Variants in TMEM132D observed in about 807,000 individuals in gnomAD.
TMEM132D encodes the protein transmembrane protein 132D, also known as mature OL transmembrane protein.
TMEM132D carries 21 observed loss-of-function variants against 62.3 expected under a neutral mutation model. The observed-to-expected ratio is 0.34, with a 90% CI of 0.24 to 0.49. The LOEUF is 0.49. Ranked by LOEUF, TMEM132D falls within the 20% of genes least tolerant of loss-of-function variation. The pLI, the probability that TMEM132D is intolerant of heterozygous loss-of-function variation, is 0.99. For synonymous variants in TMEM132D, 621 were observed against 575.6 expected (o/e 1.08, Z -1.13); for missense variants, 1,346 against 1,402.8 (o/e 0.96, Z 0.65).
intron 2 of TMEM132D, among the ~76,000 whole-genome samples, chr12:129,687,007 G>A (rs980116842): frequency 9.9e-5 from 15 of 152,244 alleles, no homozygotes; most frequent in Admixed American, 3.3e-4. Context: ...AAGGTTCCTC[G>A]GATGTTATAG....
At chr12:129,699,689 A>G in intron 2 of TMEM132D, 121 bp downstream of exon 2, 3 of 1,275,164 alleles carry the variant, frequency 2.4e-6, no homozygotes, top group South Asian at 1.5e-5. Flanking sequence ...TGGAGTTTGT[A>G]AGAACGGGAA....
chr12:129,100,666 G>A (rs547013523), intron 5 of TMEM132D, among the ~76,000 whole-genome samples: 4 of 152,276 alleles, frequency 2.6e-5, no homozygotes, highest in African/African-American at 9.6e-5. Context: ...TGAAAGTATT[G>A]CCCATGTCTT....
In TMEM132D at chr12:129,710,670, A is replaced by T. The variant is rs569594353; in HGVS notation, c.80-9972T>A. Among the ~76,000 whole-genome samples the T allele has an allele frequency of 3.3e-5, 5 of 152,310 alleles. No individual in the cohort carries two copies. The East Asian group carries it at 9.7e-4, about 29-fold the overall frequency. ...TTTATCTATTTTATTGCAAACACTT[A>T]AGGCATTTCGGAGTGTCTTTCTTAG... On this transcript the variant is annotated intron_variant, in intron 1 of 8. Transcript: ENST00000422113.
chr12:129,667,935 G>C (rs1880415033), intron 2 of TMEM132D, among the ~76,000 whole-genome samples: 3 of 147,274 alleles, frequency 2.0e-5, no homozygotes, highest in African/African-American at 7.5e-5. Context: ...AAATTTCCTT[G>C]TCCATCGTGT....
At chr12:129,735,823 T>C (rs1869404676) in intron 1 of TMEM132D, among the ~76,000 whole-genome samples, 1 of 152,192 alleles carries the variant, frequency 6.6e-6, no homozygotes, top group Admixed American at 6.5e-5. Flanking sequence ...TGACCATGAA[T>C]ATGTGACTTT....
intron 3 of TMEM132D, among the ~76,000 whole-genome samples, chr12:129,447,597 A>G (rs1270018996): frequency 6.6e-6 from 1 of 152,214 alleles, no homozygotes; most frequent in Non-Finnish European, 1.5e-5. Flanking sequence ...GGTAACCAGA[A>G]TGATGGGAAA....
intron 2 of TMEM132D, among the ~76,000 whole-genome samples, chr12:129,675,211 A>T (rs969992250): frequency 6.6e-6 from 1 of 152,212 alleles, no homozygotes; most frequent in Non-Finnish European, 1.5e-5. Flanking sequence ...AAATGAGTTC[A>T]TGTCCTTTGC....
At chr12:129,180,840 G>A (rs1346280696) in intron 5 of TMEM132D, among the ~76,000 whole-genome samples, 1 of 152,112 alleles carries the variant, frequency 6.6e-6, no homozygotes, top group East Asian at 1.9e-4. Context: ...CAAGGGGAAC[G>A]TGGTACGAGT....
chr12:129,184,895 C>A (rs2135552979), intron 5 of TMEM132D, among the ~76,000 whole-genome samples: 1 of 152,184 alleles, frequency 6.6e-6, no homozygotes. Context: ...TGTGTTTCTG[C>A]TTCAGGCTCT....
intron 2 of TMEM132D, among the ~76,000 whole-genome samples, chr12:129,608,839 G>A (rs575891499): frequency 2.0e-4 from 31 of 152,080 alleles, no homozygotes; most frequent in African/African-American, 6.8e-4. Context: ...AAGTTCACTC[G>A]CACTCAAATT....
At chr12:129,548,445 G>C (rs1876799990) in intron 2 of TMEM132D, among the ~76,000 whole-genome samples, 1 of 152,190 alleles carries the variant, frequency 6.6e-6, no homozygotes, top group Admixed American at 6.5e-5. Context: ...CTATTAAAAA[G>C]GGAAGGAATA....
At chr12:129,323,347 T>C (rs1390527992) in intron 4 of TMEM132D, among the ~76,000 whole-genome samples, 1 of 152,184 alleles carries the variant, frequency 6.6e-6, no homozygotes, top group Non-Finnish European at 1.5e-5. Flanking sequence ...GAAATTGATA[T>C]AAATCCACCT....
At chr12:129,816,861 G>A (rs926301079) in intron 1 of TMEM132D, among the ~76,000 whole-genome samples, 2 of 152,106 alleles carry the variant, frequency 1.3e-5, no homozygotes, top group South Asian at 2.1e-4. Context: ...CTAAAATACC[G>A]AGATAGTTTC....
chr12:129,508,495 CCTT>C (rs1296858285), intron 3 of TMEM132D, among the ~76,000 whole-genome samples: 1 of 152,162 alleles, frequency 6.6e-6, no homozygotes, highest in Non-Finnish European at 1.5e-5. Flanking sequence ...TCTTCCTCCT[CCTT>C]CTCGTTGCAA....
At chr12:129,727,990 T>A (rs1035607815) in intron 1 of TMEM132D, among the ~76,000 whole-genome samples, 2 of 152,214 alleles carry the variant, frequency 1.3e-5, no homozygotes, top group Non-Finnish European at 2.9e-5. Context: ...GATCACCGGC[T>A]GTATCCAGCT....
At chr12:129,539,610 C>G (rs1473453) in intron 2 of TMEM132D, among the ~76,000 whole-genome samples, 1 of 149,088 alleles carries the variant, frequency 6.7e-6, no homozygotes, top group African/African-American at 2.5e-5. Flanking sequence ...CGGGATTTCA[C>G]CATGTTGCCC....
chr12:129,563,114 AT>A (rs902775771), intron 2 of TMEM132D, among the ~76,000 whole-genome samples: 1 of 152,060 alleles, frequency 6.6e-6, no homozygotes, highest in African/African-American at 2.4e-5. Flanking sequence ...TTTGCATTTA[AT>A]TTTTTTTGAG....
At chr12:129,411,690 G>C (rs904770508) in intron 3 of TMEM132D, among the ~76,000 whole-genome samples, 9 of 152,162 alleles carry the variant, frequency 5.9e-5, no homozygotes, top group Non-Finnish European at 1.0e-4. Context: ...ATTTCAGCTA[G>C]AGTTGATATT....
intron 8 of TMEM132D, among the ~76,000 whole-genome samples, chr12:129,077,687 CACA>C (rs1469295524): frequency 2.0e-5 from 3 of 151,910 alleles, no homozygotes; most frequent in African/African-American, 4.8e-5. Flanking sequence ...GACACAGACC[CACA>C]ACACACACAC....
Sources: gnomAD v4.1 joint callset for allele counts (sites outside exome capture counted in the v4.1 genomes callset) on GRCh38, gnomAD v4.1.1 for gene constraint, MANE v1.5 for transcripts, NCBI Gene and HGNC (gene_info 2026-07-23, HGNC 2026-07-21) for gene names.